GABRA3: variants seen among roughly 807,000 people sequenced by gnomAD.
GABRA3 encodes gamma-aminobutyric acid type A receptor subunit alpha3.
Under a neutral mutation model 30.1 loss-of-function variants are expected in GABRA3, and 10 were observed. The observed-to-expected ratio is 0.33, with a 90% CI of 0.20 to 0.56. The LOEUF (loss-of-function observed/expected upper bound fraction) is 0.56. Among genes scored for constraint, GABRA3 ranks in the 20% least tolerant of loss-of-function variants. GABRA3 has a pLI of 0.89. For synonymous variants in GABRA3, 151 were observed against 146.8 expected (o/e 1.03, Z -0.21); for missense variants, 233 against 392.0 (o/e 0.59, Z 3.42).
chrX:152,321,369 G>A (rs1029844022), intron 3 of GABRA3, among the ~76,000 whole-genome samples: 2 of 111,466 alleles, frequency 1.8e-5, no homozygotes, highest in African/African-American at 3.3e-5. Context: ...GTAAAATACA[G>A]GGAATCAATA....
At chrX:152,390,643 A>G (rs776351830) in intron 1 of GABRA3, among the ~76,000 whole-genome samples, 1 of 112,248 alleles carries the variant, frequency 8.9e-6, no homozygotes, top group South Asian at 3.7e-4. Context: ...TGTGCATTGT[A>G]AAGCCACCAC....
At chrX:152,277,265 T>TG (rs1569379524) in intron 4 of GABRA3, among the ~76,000 whole-genome samples, 2 of 76,171 alleles carry the variant, frequency 2.6e-5, no homozygotes, top group South Asian at 5.0e-4. Flanking sequence ...TAATTAACAG[T>TG]TTTTTTTTTC....
intron 1 of GABRA3, among the ~76,000 whole-genome samples, chrX:152,368,407 T>G (rs1305166549): frequency 9.0e-6 from 1 of 111,592 alleles, no homozygotes; most frequent in Non-Finnish European, 1.9e-5. Flanking sequence ...TTTCTCTGTA[T>G]GCCTTATTTC....
intron 1 of GABRA3, among the ~76,000 whole-genome samples, chrX:152,441,042 CAGAT>C (rs1163334983): frequency 9.3e-6 from 1 of 107,801 alleles, no homozygotes; most frequent in African/African-American, 3.4e-5. Context: ...AAAAAGAAAA[CAGAT>C]AGATGGTTTC....
rs766298358 is a variant in GABRA3 at position 152,198,002 on chromosome X, G to A, written c.779-217C>T. Among the ~76,000 whole-genome samples the A allele has an allele frequency of 9.1e-5, 10 of 110,479 alleles. No homozygotes were observed. In the South Asian group the frequency reaches 1.9e-3, roughly 21 times the overall value. ...ATCAGTGTACCAATACAGCTTGCTCGGAACAATTTTGACACAATTCATTCA... is the reference window on the plus strand; with the variant it reads ...ATCAGTGTACCAATACAGCTTGCTCAGAACAATTTTGACACAATTCATTCA... On this transcript the variant is annotated intron_variant, in intron 7 of 9. Coordinates refer to ENST00000370314, the MANE Select transcript of GABRA3 (RefSeq NM_000808.4).
At chrX:152,355,642 C>T (rs147276587) in intron 2 of GABRA3, among the ~76,000 whole-genome samples, 2 of 111,830 alleles carry the variant, frequency 1.8e-5, no homozygotes, top group Admixed American at 1.9e-4. Flanking sequence ...TTGAAATGTC[C>T]CATCTGTATT....
intron 2 of GABRA3, among the ~76,000 whole-genome samples, chrX:152,361,573 A>G (rs1293865697): frequency 1.0e-5 from 1 of 95,264 alleles, no homozygotes; most frequent in Non-Finnish European, 2.1e-5. Flanking sequence ...CTCCATCTCA[A>G]AAAAAAAAAA....
chrX:152,224,914 C>T, intron 5 of GABRA3, 69 bp from the exon 6 acceptor site: 1 of 714,853 alleles, frequency 1.4e-6, no homozygotes, highest in Admixed American at 2.6e-5. Context: ...GGCTGCATTC[C>T]CACTCAGTTC....
chrX:152,388,214 T>TA (rs889948073), intron 1 of GABRA3, among the ~76,000 whole-genome samples: 1 of 111,397 alleles, frequency 9.0e-6, no homozygotes, highest in African/African-American at 3.3e-5. Context: ...ATCAAAGAGA[T>TA]AGAGTGTCTT....
intron 5 of GABRA3, among the ~76,000 whole-genome samples, chrX:152,242,168 C>A (rs1253967383): frequency 6.3e-5 from 7 of 111,604 alleles, no homozygotes; most frequent in Admixed American, 9.5e-5. Flanking sequence ...GCCAAGGACA[C>A]ACTATGGGGG....
intron 3 of GABRA3, among the ~76,000 whole-genome samples, chrX:152,329,719 T>C (rs1276940594): frequency 5.4e-5 from 6 of 112,052 alleles, no homozygotes; most frequent in African/African-American, 1.9e-4. Context: ...AAGACTTAAA[T>C]GTTAGACCTA....
chrX:152,393,733 C>T (rs760108855), intron 1 of GABRA3, among the ~76,000 whole-genome samples: 5 of 111,670 alleles, frequency 4.5e-5, no homozygotes, highest in South Asian at 3.7e-4. Context: ...TGTTAAACCA[C>T]GATGTACACC....
chrX:152,422,020 C>T (rs1049539593), intron 1 of GABRA3, among the ~76,000 whole-genome samples: 1 of 111,223 alleles, frequency 9.0e-6, no homozygotes, highest in Non-Finnish European at 1.9e-5. Context: ...TATGCATACC[C>T]TATGACCCCA....
intron 4 of GABRA3, among the ~76,000 whole-genome samples, chrX:152,276,697 A>G (rs1208258487): frequency 2.7e-5 from 3 of 112,127 alleles, no homozygotes; most frequent in African/African-American, 9.7e-5. Flanking sequence ...AAATAAATGA[A>G]TTAGAGTAAA....
At chrX:152,276,175 G>A (rs1273441541) in intron 4 of GABRA3, among the ~76,000 whole-genome samples, 2 of 111,205 alleles carry the variant, frequency 1.8e-5, no homozygotes, top group African/African-American at 6.5e-5. Context: ...GAAGAAACAA[G>A]GTTGCCTAGA....
intron 1 of GABRA3, among the ~76,000 whole-genome samples, chrX:152,377,845 T>C (rs1256261836): frequency 1.8e-5 from 2 of 111,520 alleles, no homozygotes; most frequent in African/African-American, 3.3e-5. Context: ...TTTCAGATTA[T>C]TGATGAATCA....
rs1401816653 is a variant in GABRA3 at position 152,231,270 on chromosome X, C to CGTATATATACAT, written c.552-6426_552-6425insATGTATATATAC. On this transcript the variant is annotated intron_variant, in intron 5 of 9. Coordinates refer to ENST00000370314, the MANE Select transcript of GABRA3 (RefSeq NM_000808.4). ...ACATACACGTATATGTATATATACA[C>CGTATATATACAT]GTATATATGTATACATATACGTGTA... Among the ~76,000 whole-genome samples the CGTATATATACAT allele has an allele frequency of 3.4e-3, 344 of 100,091 alleles. No homozygotes were observed. The Middle Eastern group carries it at 0.039, about 11-fold the overall frequency. 86.9% of individuals were successfully genotyped at this position (100,091 alleles called of 115,157 possible). A position where few individuals can be genotyped will look rare whatever the true frequency, so the allele number is the denominator to read the frequency against.
At chrX:152,249,009 C>T (rs1938508252) in intron 5 of GABRA3, among the ~76,000 whole-genome samples, 1 of 111,281 alleles carries the variant, frequency 9.0e-6, no homozygotes, top group South Asian at 3.7e-4. Context: ...ACAGGATAAA[C>T]ATATTCTGTA....
intron 4 of GABRA3, among the ~76,000 whole-genome samples, chrX:152,272,439 A>G (rs1174186691): frequency 1.8e-5 from 2 of 112,542 alleles, no homozygotes; most frequent in Non-Finnish European, 3.8e-5. Flanking sequence ...GGATGTATTT[A>G]TCCAGCGCCT....
Sources: gnomAD v4.1 joint callset for allele counts (sites outside exome capture counted in the v4.1 genomes callset) on GRCh38, gnomAD v4.1.1 for gene constraint, MANE v1.5 for transcripts, NCBI Gene and HGNC (gene_info 2026-07-23, HGNC 2026-07-21) for gene names.